LCK: variants seen among roughly 807,000 people sequenced by gnomAD.
The protein encoded by LCK is LCK proto-oncogene, Src family tyrosine kinase.
A neutral mutation model predicts 64.6 loss-of-function variants in LCK; 14 were observed. That is an observed-to-expected ratio of 0.22 (90% CI 0.14 to 0.34). The LOEUF (loss-of-function observed/expected upper bound fraction) is 0.34. Among genes scored for constraint, LCK ranks in the 10% least tolerant of loss-of-function variants. The pLI is 1.00. For synonymous variants in LCK, 277 were observed against 263.6 expected, an observed-to-expected ratio of 1.05 and a Z score of -0.49; for missense variants, 434 against 668.1, an observed-to-expected ratio of 0.65 and a Z score of 3.86.
chr1:32,284,251 GATAT>G (rs149802834), intron 12 of LCK, among the ~76,000 whole-genome samples: 3 of 138,512 alleles, frequency 2.2e-5, no homozygotes, highest in Non-Finnish European at 1.6e-5. Flanking sequence ...TGCTTTCTGT[GATAT>G]ATATATATAT....
chr1:32,267,990 T>G (rs1639969328), intron 1 of LCK, among the ~76,000 whole-genome samples: 1 of 151,908 alleles, frequency 6.6e-6, no homozygotes, highest in Non-Finnish European at 1.5e-5. Context: ...GTGAGGAGAT[T>G]GAGACCATCC....
intron 1 of LCK, among the ~76,000 whole-genome samples, chr1:32,252,803 TC>T (rs1639540587): frequency 6.6e-6 from 1 of 151,546 alleles, no homozygotes. Flanking sequence ...CCTGCAAGAG[TC>T]AAGACAGTTC....
chr1:32,278,739 C>T (rs970471553), intron 9 of LCK, among the ~76,000 whole-genome samples: 1 of 152,168 alleles, frequency 6.6e-6, no homozygotes, highest in Non-Finnish European at 1.5e-5. Flanking sequence ...TAACATCTGC[C>T]ATGGATACAA....
chr1:32,277,996 C>A (rs1008947667), intron 9 of LCK, among the ~76,000 whole-genome samples: 2 of 151,988 alleles, frequency 1.3e-5, no homozygotes, highest in African/African-American at 4.8e-5. Context: ...TGCAACATAG[C>A]GAGACTTCAT....
At chr1:32,260,532 C>G (rs1639741238) in intron 1 of LCK, among the ~76,000 whole-genome samples, 1 of 152,052 alleles carries the variant, frequency 6.6e-6, no homozygotes, top group Non-Finnish European at 1.5e-5. Context: ...TTCTTTTTTA[C>G]TTTTTGTGCT....
chr1:32,273,504 T>C (rs1265226320), intron 1 of LCK, among the ~76,000 whole-genome samples: 2 of 151,884 alleles, frequency 1.3e-5, no homozygotes, highest in African/African-American at 4.8e-5. Flanking sequence ...CATTAAACTT[T>C]GAGGACAGCG....
chr1:32,251,832 C>A lies in LCK; in HGVS notation c.-6+461C>A, dbSNP rs1174116242. On this transcript the variant is annotated intron_variant, in intron 1 of 12. Coordinates refer to ENST00000336890, the MANE Select transcript of LCK (RefSeq NM_005356.5). The surrounding 1 kb of genome is among the most constrained non-coding windows in gnomAD (Gnocchi z 4.0). ...AGCAGGGTGATGGACAGGCTGGACTCAGAGGACCCAGGAATCCTTCTGGTT... is the reference window on the plus strand; with the variant it reads ...AGCAGGGTGATGGACAGGCTGGACTAAGAGGACCCAGGAATCCTTCTGGTT... 6.6e-6 allele frequency among the ~76,000 whole-genome samples: 1 copy of A among 151,716 alleles called. No homozygotes were observed. The highest frequency in any genetic ancestry group is 1.5e-5 in the Non-Finnish European group (1 of 67,950).
At chr1:32,271,046 G>T (rs1640067539) in intron 1 of LCK, among the ~76,000 whole-genome samples, 1 of 147,652 alleles carries the variant, frequency 6.8e-6, no homozygotes. Flanking sequence ...TGTTATCCAG[G>T]CTGGAGTGCA....
At position 32,285,498 on chromosome 1, in the gene LCK, AC is replaced by A. The variant is rs747075432; in HGVS notation, c.1328-13del. On this transcript the variant is annotated splice_polypyrimidine_tract_variant and intron_variant, in intron 12 of 12. Coordinates refer to ENST00000336890, the MANE Select transcript of LCK (RefSeq NM_005356.5). Reference sequence around the variant, plus strand: ...CAGTGCCTGACCTTGATGTCCTTTCACCCATCAACCCGTAGGGATGACCAAC... The same window carrying A: ...CAGTGCCTGACCTTGATGTCCTTTCACCATCAACCCGTAGGGATGACCAAC... The A allele has an allele frequency of 1.3e-5, 21 of 1,609,954 alleles. No individual in the cohort carries two copies. The African/African-American group carries it at 2.7e-4, about 20-fold the overall frequency.
chr1:32,264,584 C>T (rs1477331045), intron 1 of LCK, among the ~76,000 whole-genome samples: 1 of 152,002 alleles, frequency 6.6e-6, no homozygotes, highest in Non-Finnish European at 1.5e-5. Flanking sequence ...CTCCTTTTCC[C>T]CAGTTTTAAA....
chr1:32,267,767 G>A (rs1189890860), intron 1 of LCK, among the ~76,000 whole-genome samples: 3 of 152,092 alleles, frequency 2.0e-5, no homozygotes, highest in Non-Finnish European at 4.4e-5. Flanking sequence ...GGTGGCACAC[G>A]CCTGTAATCC....
Position 32,259,296 on chromosome 1 carries a change from A to AAAAG in LCK, c.-6+7928_-6+7929insGAAA, listed in dbSNP as rs1219561878. On this transcript the variant is annotated intron_variant, in intron 1 of 12. Coordinates refer to ENST00000336890, the MANE Select transcript of LCK (RefSeq NM_005356.5). ...CATTCACAGCTTCTCAGGTAAAAAA[A>AAAAG]AAAAAAGAAAAAGAAAAAGAAAAAA... Among the ~76,000 whole-genome samples, 22 of 150,428 alleles carry AAAAG rather than the reference A, an allele frequency of 1.5e-4. 1 individual carries two copies. In the South Asian group the frequency reaches 2.9e-3, roughly 20 times the overall value.
At chr1:32,285,409 T>A in intron 12 of LCK, 105 bp from the exon 13 acceptor site, 3 of 1,012,452 alleles carry the variant, frequency 3.0e-6, no homozygotes, top group Non-Finnish European at 4.7e-6. Flanking sequence ...CCAAGATTCT[T>A]TTGGATTGGT....
At chr1:32,261,346 C>T (rs1482762997) in intron 1 of LCK, among the ~76,000 whole-genome samples, 1 of 148,240 alleles carries the variant, frequency 6.7e-6, no homozygotes, top group Non-Finnish European at 1.5e-5. Context: ...TTCCCCAGTT[C>T]AAGAGATTCT....
intron 1 of LCK, among the ~76,000 whole-genome samples, chr1:32,268,157 G>A (rs933959195): frequency 1.3e-5 from 2 of 151,848 alleles, no homozygotes; most frequent in Admixed American, 6.6e-5. Context: ...TCGCGCCACT[G>A]CACTCCAGCC....
chr1:32,267,890 G>T (rs1469675613), intron 1 of LCK, among the ~76,000 whole-genome samples: 5 of 141,312 alleles, frequency 3.5e-5, no homozygotes. Flanking sequence ...GCGAAACTCT[G>T]TCTCAAAAAA....
chr1:32,265,323 C>G (rs1639880702), intron 1 of LCK, among the ~76,000 whole-genome samples: 1 of 152,168 alleles, frequency 6.6e-6, no homozygotes, highest in African/African-American at 2.4e-5. Flanking sequence ...TAAAGGCCTC[C>G]CCGGCACTAG....
Position 32,276,421 on chromosome 1 carries a change from AG to A in LCK, c.718del (p.Val240PhefsTer6). 2 of 1,612,570 alleles carry A rather than the reference AG, an allele frequency of 1.2e-6. No homozygotes were observed. Among genetic ancestry groups the A allele is most frequent in the Non-Finnish European group, 1.7e-6 (2 of 1,179,862 alleles). ...PQKPWWEDEW[E>X]VPRETLKLVE... ...AAGCCGTGGTGGGAGGACGAGTGGGAGGTTCCCAGGGAGACGCTGAAGCTGG... is the reference window on the plus strand; with the variant it reads ...AAGCCGTGGTGGGAGGACGAGTGGGAGTTCCCAGGGAGACGCTGAAGCTGG... On this transcript the variant is annotated frameshift_variant, in exon 8 of 13. Coordinates refer to ENST00000336890, the MANE Select transcript of LCK (RefSeq NM_005356.5). LOFTEE classifies it high-confidence loss of function. This position sits in a 1 kb window ranked among gnomAD's most constrained non-coding sequence, Gnocchi z 4.6.
intron 1 of LCK, among the ~76,000 whole-genome samples, chr1:32,270,862 C>A (rs1373706766): frequency 1.3e-5 from 2 of 151,364 alleles, no homozygotes; most frequent in African/African-American, 4.9e-5. Context: ...TGCCACCAAG[C>A]CCGATTAATT....
Sources: allele counts gnomAD v4.1 joint callset (sites outside exome capture counted in the v4.1 genomes callset), GRCh38; gene constraint gnomAD v4.1.1; non-coding constraint Gnocchi (gnomAD v3.1); transcripts MANE v1.5; gene names NCBI Gene and HGNC (gene_info 2026-07-23, HGNC 2026-07-21).